The following CNTNAP2 variants were observed in gnomAD, a reference collection of about 807,000 sequenced individuals.
CNTNAP2 encodes the protein contactin associated protein 2, also known as contactin-associated protein-like 2.
CNTNAP2 carries 98 observed loss-of-function variants against 155.2 expected under a neutral mutation model. The observed-to-expected ratio is 0.63, with a 90% CI of 0.54 to 0.75. CNTNAP2 has a LOEUF of 0.75. Ranked by LOEUF, CNTNAP2 falls within the 30% of genes least tolerant of loss-of-function variation. The probability of loss-of-function intolerance (pLI) is 0.00; values close to 1 mark genes in which losing one functional copy is unlikely to be tolerated. For missense variants in CNTNAP2, 1,727 were observed against 1,688.1 expected, an observed-to-expected ratio of 1.02 and a Z score of -0.40; for synonymous variants, 651 against 631.2, an observed-to-expected ratio of 1.03 and a Z score of -0.47.
chr7:148,227,130 A>G (rs569457896), intron 19 of CNTNAP2, among the ~76,000 whole-genome samples: 2 of 152,236 alleles, frequency 1.3e-5, no homozygotes, highest in Non-Finnish European at 2.9e-5. Flanking sequence ...AAACGAGGGG[A>G]AAAACAGGTA....
At chr7:147,971,966 C>T (rs993140419) in intron 14 of CNTNAP2, among the ~76,000 whole-genome samples, 2 of 152,152 alleles carry the variant, frequency 1.3e-5, no homozygotes, top group African/African-American at 4.8e-5. Context: ...CAGCCCACCC[C>T]CCGAGCAATG....
intron 15 of CNTNAP2, among the ~76,000 whole-genome samples, chr7:147,997,260 A>G (rs978363056): frequency 1.3e-5 from 2 of 152,242 alleles, no homozygotes; most frequent in African/African-American, 4.8e-5. Context: ...CTTAGTTTAA[A>G]AGAATTTAAA....
chr7:147,936,315 C>T (rs188407744), intron 14 of CNTNAP2, among the ~76,000 whole-genome samples: 5 of 116,948 alleles, frequency 4.3e-5, no homozygotes, highest in East Asian at 3.2e-4. Flanking sequence ...TTTTTTTTTG[C>T]ACTCACTTAT....
chr7:147,580,741 G>A (rs10243163), intron 12 of CNTNAP2, among the ~76,000 whole-genome samples: 104,410 of 151,424 alleles, frequency 0.69, 36,538 homozygotes, highest in African/African-American at 0.81. Flanking sequence ...TCAGCCTCCT[G>A]AGTAGCTAGG....
At chr7:146,708,702 TCTC>T (rs1439268091) in intron 1 of CNTNAP2, among the ~76,000 whole-genome samples, 4 of 147,786 alleles carry the variant, frequency 2.7e-5, no homozygotes, top group Non-Finnish European at 4.4e-5. Flanking sequence ...GTTCAAGTAT[TCTC>T]CTGCCCCAGC....
chr7:147,917,944 A>G (rs1019333476), intron 14 of CNTNAP2, among the ~76,000 whole-genome samples: 1 of 152,142 alleles, frequency 6.6e-6, no homozygotes, highest in Non-Finnish European at 1.5e-5. Context: ...ACCTACACCT[A>G]AAATAACTCT....
At position 146,665,555 on chromosome 7, in the gene CNTNAP2, GTGGATCACCTGAGGTCTGGAGT is replaced by G. The variant is rs1219294510; in HGVS notation, c.98-108714_98-108693del. Among the ~76,000 whole-genome samples, 7 of 151,616 alleles carry G rather than the reference GTGGATCACCTGAGGTCTGGAGT, an allele frequency of 4.6e-5. No individual in the cohort carries two copies. The East Asian group carries it at 1.2e-3, about 25-fold the overall frequency. On this transcript the variant is annotated intron_variant, in intron 1 of 23. Coordinates refer to ENST00000361727, the MANE Select transcript of CNTNAP2 (RefSeq NM_014141.6). Reference sequence around the variant, plus strand: ...CCAGCACTTTGGGAGGCTGAGGCGGGTGGATCACCTGAGGTCTGGAGTTCAGGACCAGTCTGGCCAACATGGT... The same window carrying G: ...CCAGCACTTTGGGAGGCTGAGGCGGGTCAGGACCAGTCTGGCCAACATGGT...
intron 19 of CNTNAP2, among the ~76,000 whole-genome samples, chr7:148,222,519 G>A (rs199772142): frequency 3.3e-5 from 5 of 151,286 alleles, no homozygotes; most frequent in South Asian, 2.1e-4. Flanking sequence ...TCCATGAATC[G>A]ATGAATGGAT....
chr7:147,542,888 T>C (rs1390401103), intron 11 of CNTNAP2, among the ~76,000 whole-genome samples: 1 of 152,226 alleles, frequency 6.6e-6, no homozygotes, highest in African/African-American at 2.4e-5. Flanking sequence ...ATTTCAATCT[T>C]TTCTTAAAGA....
intron 13 of CNTNAP2, among the ~76,000 whole-genome samples, chr7:147,766,133 T>A (rs762058623): frequency 6.6e-6 from 1 of 152,150 alleles, no homozygotes; most frequent in African/African-American, 2.4e-5. Context: ...ATATTAAATG[T>A]CTTGATTGAG....
At chr7:146,784,999 A>T (rs1179066648) in intron 2 of CNTNAP2, among the ~76,000 whole-genome samples, 4 of 150,944 alleles carry the variant, frequency 2.6e-5, no homozygotes, top group Non-Finnish European at 1.5e-5. Flanking sequence ...CTTTTAAGAC[A>T]AGGTTTGTCA....
chr7:147,220,328 T>G (rs1301641564), intron 8 of CNTNAP2, among the ~76,000 whole-genome samples: 1 of 152,152 alleles, frequency 6.6e-6, no homozygotes, highest in Admixed American at 6.5e-5. Flanking sequence ...ACAAGGTACT[T>G]CTTTCTCCAT....
chr7:146,385,830 A>T (rs1211092710), intron 1 of CNTNAP2, among the ~76,000 whole-genome samples: 1 of 152,196 alleles, frequency 6.6e-6, no homozygotes, highest in Non-Finnish European at 1.5e-5. Context: ...CCTTCCCTGG[A>T]TGAGGTTTCT....
chr7:146,512,333 G>A (rs1337402000), intron 1 of CNTNAP2, among the ~76,000 whole-genome samples: 1 of 151,544 alleles, frequency 6.6e-6, no homozygotes, highest in Non-Finnish European at 1.5e-5. Flanking sequence ...CTAATTTTGG[G>A]TTTGGTTTAT....
intron 14 of CNTNAP2, among the ~76,000 whole-genome samples, chr7:147,940,921 A>G (rs1585040077): frequency 6.6e-6 from 1 of 152,228 alleles, no homozygotes; most frequent in Admixed American, 6.5e-5. Flanking sequence ...CAATCGTAAT[A>G]TTTGAAGCAA....
chr7:147,519,740 C>T (rs192598396), intron 11 of CNTNAP2, among the ~76,000 whole-genome samples: 314 of 152,276 alleles, frequency 2.1e-3, no homozygotes, highest in African/African-American at 6.7e-3. Context: ...GGTGGTGTGC[C>T]TGTCATCCCA....
At chr7:146,876,763 C>A (rs1795437503) in intron 3 of CNTNAP2, among the ~76,000 whole-genome samples, 1 of 152,076 alleles carries the variant, frequency 6.6e-6, no homozygotes, top group Non-Finnish European at 1.5e-5. Flanking sequence ...ATCCAATACA[C>A]ATTATTGGGT....
chr7:147,727,697 C>T (rs866757401), intron 13 of CNTNAP2, among the ~76,000 whole-genome samples: 1 of 150,040 alleles, frequency 6.7e-6, no homozygotes, highest in Non-Finnish European at 1.5e-5. Context: ...ATTCTCATCA[C>T]TAAGCAGCAT....
chr7:146,571,542 T>A (rs1039359824), intron 1 of CNTNAP2, among the ~76,000 whole-genome samples: 1 of 152,080 alleles, frequency 6.6e-6, no homozygotes, highest in Non-Finnish European at 1.5e-5. Flanking sequence ...TTCAAAAAGT[T>A]ATGATTTTTG....
Sources: gnomAD v4.1 joint callset for allele counts (sites outside exome capture counted in the v4.1 genomes callset) on GRCh38, gnomAD v4.1.1 for gene constraint, MANE v1.5 for transcripts, NCBI Gene and HGNC (gene_info 2026-07-23, HGNC 2026-07-21) for gene names.